Variants in PITPNB observed in about 807,000 individuals in gnomAD.
PITPNB encodes the protein phosphatidylinositol transfer protein beta isoform.
In PITPNB, 16 loss-of-function variants were observed where a neutral mutation model predicts 45.9. The observed-to-expected ratio is 0.35, with a 90% CI of 0.24 to 0.53. PITPNB has a LOEUF of 0.53. Ranked by LOEUF, PITPNB falls within the 20% of genes least tolerant of loss-of-function variation. The pLI is 0.93. For missense variants in PITPNB, 188 were observed against 330.5 expected, an observed-to-expected ratio of 0.57 and a Z score of 3.34; for synonymous variants, 112 against 108.9, an observed-to-expected ratio of 1.03 and a Z score of -0.18.
intron 2 of PITPNB, among the ~76,000 whole-genome samples, chr22:27,912,292 G>A (rs2064259): frequency 6.6e-6 from 1 of 152,058 alleles, no homozygotes; most frequent in South Asian, 2.1e-4. Flanking sequence ...ACTCAATTTG[G>A]AAGTGTTTGG....
chr22:27,852,590 G>C lies in PITPNB; in HGVS notation c.*1112C>G, dbSNP rs1215036969. The C allele has an allele frequency of 2.0e-5, 3 of 152,140 alleles. No homozygotes were observed. The highest frequency in any genetic ancestry group is 2.0e-4 in the Admixed American group (3 of 15,270). The allele number at this position is 152,140 out of a possible 1,614,324, so 9.4% of individuals were successfully genotyped here. ...CCAGACTCACACTGCATCTTAAACT[G>C]TTCCTATCTCAAAGTCACTATCTCC... On this transcript the variant is annotated 3_prime_UTR_variant, in exon 12 of 12. Coordinates refer to ENST00000335272, the MANE Select transcript of PITPNB (RefSeq NM_012399.5).
intron 4 of PITPNB, 53 bp downstream of exon 4, chr22:27,897,748 C>T (rs867793988): frequency 8.8e-7 from 1 of 1,131,380 alleles, no homozygotes; most frequent in Admixed American, 1.7e-5. Flanking sequence ...TACTGGGAAT[C>T]CCTCTCATTC....
intron 7 of PITPNB, among the ~76,000 whole-genome samples, chr22:27,880,842 G>C (rs1476623121): frequency 1.3e-5 from 2 of 152,128 alleles, no homozygotes; most frequent in Non-Finnish European, 2.9e-5. Context: ...GGCTGGTCTC[G>C]AACTCCCAAC....
chr22:27,889,557 T>C (rs1005957693), intron 7 of PITPNB, among the ~76,000 whole-genome samples: 1 of 152,222 alleles, frequency 6.6e-6, no homozygotes, highest in Non-Finnish European at 1.5e-5. Flanking sequence ...CACATCCTCA[T>C]GTCAGGAGTC....
At chr22:27,910,888 C>A in intron 3 of PITPNB, 76 bp downstream of exon 3, 1 of 975,038 alleles carries the variant, frequency 1.0e-6, no homozygotes, top group Non-Finnish European at 1.6e-6. Flanking sequence ...TTCACATCTA[C>A]TAGTTAAGTT....
chr22:27,886,177 G>A (rs1237834022), intron 7 of PITPNB, among the ~76,000 whole-genome samples: 3 of 152,136 alleles, frequency 2.0e-5, no homozygotes, highest in Admixed American at 1.3e-4. Flanking sequence ...CAGGAAATCC[G>A]TTTCCTATGG....
intron 7 of PITPNB, 89 bp downstream of exon 7, chr22:27,894,466 A>AT (rs1294877324): frequency 5.3e-6 from 4 of 755,646 alleles, no homozygotes; most frequent in East Asian, 4.9e-5. Context: ...AAAGGAAATA[A>AT]TTTTTTTAAC....
rs1934042513 is a variant in PITPNB, at chr22:27,852,317, T to C, written c.*1385A>G. 1 of 152,170 alleles carries C rather than the reference T, an allele frequency of 6.6e-6. No homozygotes were observed. The highest frequency in any genetic ancestry group is 1.5e-5 in the Non-Finnish European group (1 of 68,028). The allele number at this position is 152,170 out of a possible 1,614,324, so 9.4% of individuals were successfully genotyped here. A position where few individuals can be genotyped will look rare whatever the true frequency, so the allele number is the denominator to read the frequency against. On this transcript the variant is annotated 3_prime_UTR_variant, in exon 12 of 12. Coordinates refer to ENST00000335272, the MANE Select transcript of PITPNB (RefSeq NM_012399.5). The stretch of plus-strand genomic sequence containing the variant: ...TGAAGGCTTCAACAATATAATTCTA[T>C]TCAAGCTTCCAGGACTGACAGAGGA...
intron 8 of PITPNB, 152 bp downstream of exon 8, chr22:27,873,586 A>G: frequency 1.7e-6 from 1 of 595,134 alleles, no homozygotes. Context: ...TTGCTGGCCA[A>G]CTGCAACTGG....
chr22:27,887,572 G>A (rs1311539155), intron 7 of PITPNB, among the ~76,000 whole-genome samples: 1 of 151,502 alleles, frequency 6.6e-6, no homozygotes, highest in Non-Finnish European at 1.5e-5. Flanking sequence ...CACCTCCCCA[G>A]GTCTAACAGG....
At chr22:27,912,537 A>G (rs1044006554) in intron 2 of PITPNB, among the ~76,000 whole-genome samples, 1 of 152,184 alleles carries the variant, frequency 6.6e-6, no homozygotes, top group Admixed American at 6.5e-5. Context: ...GGAACACACA[A>G]TAACAATATT....
chr22:27,878,319 A>G (rs1448419703), intron 7 of PITPNB, among the ~76,000 whole-genome samples: 1 of 152,230 alleles, frequency 6.6e-6, no homozygotes, highest in Non-Finnish European at 1.5e-5. Flanking sequence ...TGCCAAACGA[A>G]TAACTAACTC....
intron 1 of PITPNB, 23 bp downstream of exon 1, chr22:27,919,149 C>A (rs1413232593): frequency 6.2e-7 from 1 of 1,614,092 alleles, no homozygotes; most frequent in East Asian, 2.2e-5. Context: ...CACGGCCTCG[C>A]TCGCGCCCAC....
intron 2 of PITPNB, among the ~76,000 whole-genome samples, chr22:27,914,054 G>A (rs992994228): frequency 6.6e-6 from 1 of 152,206 alleles, no homozygotes; most frequent in African/African-American, 2.4e-5. Context: ...TCTCTGGGAT[G>A]TTGGAGAAAG....
intron 10 of PITPNB, among the ~76,000 whole-genome samples, chr22:27,858,068 C>T (rs1421627070): frequency 6.6e-6 from 1 of 152,156 alleles, no homozygotes; most frequent in Non-Finnish European, 1.5e-5. Context: ...GTGTCTAAAA[C>T]GACTGTGAAC....
At chr22:27,886,475 AC>A (rs1935125811) in intron 7 of PITPNB, among the ~76,000 whole-genome samples, 1 of 152,196 alleles carries the variant, frequency 6.6e-6, no homozygotes, top group Non-Finnish European at 1.5e-5. Context: ...TGATGATGTC[AC>A]CCTCCAATTA....
At chr22:27,886,995 T>G (rs534480630) in intron 7 of PITPNB, among the ~76,000 whole-genome samples, 1 of 152,192 alleles carries the variant, frequency 6.6e-6, no homozygotes, top group African/African-American at 2.4e-5. Context: ...GTGCCACAAG[T>G]ACAAACTTTG....
At chr22:27,860,354 A>C in intron 8 of PITPNB, 113 bp from the exon 9 acceptor site, 19 of 627,788 alleles carry the variant, frequency 3.0e-5, no homozygotes, top group East Asian at 1.1e-4. Context: ...TTACAATCTC[A>C]TGTGTTTAAT....
Position 27,858,500 on chromosome 22 carries a change from G to A in PITPNB, c.655C>T (p.Arg219Trp). The change falls in exon 10 of 12, where the codon CGG becomes TGG. Residue 219 changes from arginine (R) to tryptophan (W), a missense_variant. By Grantham distance (101) the Arg-to-Trp change is moderately radical (BLOSUM62 -3). Coordinates refer to ENST00000335272, the MANE Select transcript of PITPNB (RefSeq NM_012399.5). ...TGGCGATGGAAGTTTGTAAATATCC[G>A]TTTTTCTTGCTTTTAAAACAACAAC... is the stretch of plus-strand genomic sequence containing the variant. ...VENFIQKQEKRIFTNFHRQLF... is the reference protein window; with the variant it reads ...VENFIQKQEKWIFTNFHRQLF... The A allele has an allele frequency of 3.1e-6, 5 of 1,608,118 alleles. No individual in the cohort carries two copies. Among genetic ancestry groups the A allele is most frequent in the Non-Finnish European group, 4.2e-6 (5 of 1,177,986 alleles).
Sources: gnomAD v4.1 joint callset for allele counts (sites outside exome capture counted in the v4.1 genomes callset) on GRCh38, gnomAD v4.1.1 for gene constraint, MANE v1.5 for transcripts, NCBI Gene and HGNC (gene_info 2026-07-23, HGNC 2026-07-21) for gene names.